MGAT4C: variants seen among roughly 807,000 people sequenced by gnomAD.
MGAT4C encodes MGAT4 family member C.
Under a neutral mutation model 40.1 loss-of-function variants are expected in MGAT4C, and 19 were observed. That is an observed-to-expected ratio of 0.47 (90% CI 0.33 to 0.70). The LOEUF (loss-of-function observed/expected upper bound fraction) is 0.70. Among genes scored for constraint, MGAT4C ranks in the 30% least tolerant of loss-of-function variants. The probability of loss-of-function intolerance (pLI) is 0.02; values close to 1 mark genes in which losing one functional copy is unlikely to be tolerated. For synonymous variants in MGAT4C, 181 were observed against 187.1 expected, an observed-to-expected ratio of 0.97 and a Z score of 0.27; for missense variants, 491 against 563.2, an observed-to-expected ratio of 0.87 and a Z score of 1.30.
At chr12:86,586,120 T>G (rs1423055015) in intron 2 of MGAT4C, among the ~76,000 whole-genome samples, 13 of 112,538 alleles carry the variant, frequency 1.2e-4, no homozygotes, top group African/African-American at 4.6e-4. Context: ...CCCACAACAG[T>G]CCCCAGAGTG....
At chr12:86,156,457 G>T (rs1884945639) in intron 1 of MGAT4C, among the ~76,000 whole-genome samples, 1 of 152,074 alleles carries the variant, frequency 6.6e-6, no homozygotes, top group South Asian at 2.1e-4. Flanking sequence ...CGAGTAGCTG[G>T]TATTAAGGCA....
rs11103905 is a variant in MGAT4C, at chr12:86,262,917, C to G, written c.-57+71148G>C. The stretch of plus-strand genomic sequence containing the variant: ...CTGGATTTCCATATGGAATATTTTT[C>G]AACTTTATTCCTAGATATAGTAATG... On this transcript the variant is annotated intron_variant, in intron 4 of 7. Coordinates refer to the MGAT4C transcript ENST00000548651. Among the ~76,000 whole-genome samples the G allele has an allele frequency of 7.7e-3, 1,177 of 152,092 alleles. 22 individuals are homozygous for G. The highest frequency in any genetic ancestry group is 0.027 in the African/African-American group (1,128 of 41,532).
At chr12:86,146,697 T>C (rs1002310235) in intron 1 of MGAT4C, among the ~76,000 whole-genome samples, 2 of 151,924 alleles carry the variant, frequency 1.3e-5, no homozygotes, top group African/African-American at 4.8e-5. Flanking sequence ...TTATTTTATT[T>C]ATTAATTAAA....
intron 3 of MGAT4C, among the ~76,000 whole-genome samples, chr12:86,376,771 CAAGA>C (rs1257769550): frequency 5.0e-5 from 6 of 120,676 alleles, no homozygotes; most frequent in African/African-American, 9.0e-5. Context: ...CATCAAAGAG[CAAGA>C]AAGAGAGAGA....
chr12:86,173,687 G>C (rs1484869862), intron 1 of MGAT4C, among the ~76,000 whole-genome samples: 1 of 151,966 alleles, frequency 6.6e-6, no homozygotes, highest in Non-Finnish European at 1.5e-5. Context: ...GAAATATATA[G>C]TTTAACAAAA....
chr12:86,556,721 T>C (rs534068384), intron 2 of MGAT4C, among the ~76,000 whole-genome samples: 138 of 152,314 alleles, frequency 9.1e-4, no homozygotes, highest in African/African-American at 3.2e-3. Context: ...AATAAACCCA[T>C]TGTTTTTCTT....
rs190869781 is a variant in MGAT4C at position 86,771,401 on chromosome 12, A to G, written c.-261-44160T>C. Among the ~76,000 whole-genome samples, 844 of 152,290 alleles carry G rather than the reference A, an allele frequency of 5.5e-3. 3 individuals carry two copies. Among genetic ancestry groups the G allele is most frequent in the Non-Finnish European group, 9.0e-3 (610 of 68,024 alleles). ...TTTATGTAGAGGCTGGAAGAGTTGT[A>G]AAATGTATGTTACAAAGAGTCTAGA... On this transcript the variant is annotated intron_variant, in intron 1 of 7. Transcript: ENST00000548651.
At position 86,762,131 on chromosome 12, in the gene MGAT4C, A is replaced by G. The variant is rs145640436; in HGVS notation, c.-261-34890T>C. On this transcript the variant is annotated intron_variant, in intron 1 of 7. Coordinates refer to the MGAT4C transcript ENST00000548651. ...CAGTGGCATGATCATGGCTCACTGCAGTCTTAACCCCCTGGACTTAAGCAT... is the reference window on the plus strand; with the variant it reads ...CAGTGGCATGATCATGGCTCACTGCGGTCTTAACCCCCTGGACTTAAGCAT... Among the ~76,000 whole-genome samples, 347 of 151,414 alleles carry G rather than the reference A, an allele frequency of 2.3e-3. 1 individual carries two copies. Among genetic ancestry groups the G allele is most frequent in the East Asian group, 9.8e-3 (50 of 5,108 alleles).
chr12:86,478,311 G>A (rs1957876574), intron 2 of MGAT4C, among the ~76,000 whole-genome samples: 1 of 152,250 alleles, frequency 6.6e-6, no homozygotes, highest in East Asian at 1.9e-4. Context: ...AGACTGAAAA[G>A]TATTTTCCTT....
chr12:86,586,425 C>G (rs1270547245), intron 2 of MGAT4C, among the ~76,000 whole-genome samples: 2 of 53,648 alleles, frequency 3.7e-5, no homozygotes, highest in Non-Finnish European at 9.5e-5. Context: ...GTGCATGTAT[C>G]TTTATAGCAG....
At chr12:86,817,516 T>C (rs1952629432) in intron 1 of MGAT4C, among the ~76,000 whole-genome samples, 1 of 151,576 alleles carries the variant, frequency 6.6e-6, no homozygotes, top group Non-Finnish European at 1.5e-5. Flanking sequence ...GTTGTCTCAC[T>C]TATTTTTTTC....
chr12:86,485,084 G>A (rs965450281), intron 2 of MGAT4C, among the ~76,000 whole-genome samples: 9 of 152,212 alleles, frequency 5.9e-5, no homozygotes, highest in Middle Eastern at 3.4e-3. Context: ...TCCTTCTAAA[G>A]GACTCAGAAA....
At chr12:86,835,061 TTTTCCAAATATCAATGTG>T (rs1566023198) in intron 1 of MGAT4C, among the ~76,000 whole-genome samples, 1 of 151,924 alleles carries the variant, frequency 6.6e-6, no homozygotes, top group East Asian at 1.9e-4. Context: ...GTTTCCAAAA[TTTTCCAAATATCAATGTG>T]TTTCCAAATA....
At chr12:86,564,103 G>T (rs1959983998) in intron 2 of MGAT4C, among the ~76,000 whole-genome samples, 1 of 152,112 alleles carries the variant, frequency 6.6e-6, no homozygotes, top group South Asian at 2.1e-4. Context: ...CAGGGGTGGT[G>T]ATTCCCGCCA....
At chr12:86,741,504 G>A (rs1951069014) in intron 1 of MGAT4C, among the ~76,000 whole-genome samples, 1 of 151,252 alleles carries the variant, frequency 6.6e-6, no homozygotes, top group Non-Finnish European at 1.5e-5. Flanking sequence ...TTTAAAAATT[G>A]GAAAACCAAC....
chr12:86,547,275 C>T (rs1959199195), intron 2 of MGAT4C, among the ~76,000 whole-genome samples: 1 of 151,996 alleles, frequency 6.6e-6, no homozygotes, highest in Admixed American at 6.6e-5. Flanking sequence ...TCTGCTTCCT[C>T]ATCCTCTTCT....
At chr12:86,162,212 C>G (rs1385078772) in intron 1 of MGAT4C, among the ~76,000 whole-genome samples, 1 of 152,114 alleles carries the variant, frequency 6.6e-6, no homozygotes, top group Non-Finnish European at 1.5e-5. Context: ...TATTGCTGTA[C>G]TATTCAAAAT....
intron 1 of MGAT4C, among the ~76,000 whole-genome samples, chr12:86,768,314 T>C (rs943344546): frequency 1.3e-5 from 2 of 152,114 alleles, no homozygotes; most frequent in African/African-American, 4.8e-5. Flanking sequence ...TTACGAGGGA[T>C]GTGAAGGACC....
chr12:86,493,096 G>A (rs944716284), intron 2 of MGAT4C, among the ~76,000 whole-genome samples: 9 of 150,624 alleles, frequency 6.0e-5, no homozygotes. Context: ...ACCACAATGA[G>A]ATACCATCTC....
Sources: allele counts gnomAD v4.1 joint callset (sites outside exome capture counted in the v4.1 genomes callset), GRCh38; gene constraint gnomAD v4.1.1; transcripts MANE v1.5; gene names NCBI Gene and HGNC (gene_info 2026-07-23, HGNC 2026-07-21).